SLC35F1: variants seen among roughly 807,000 people sequenced by gnomAD.
SLC35F1 encodes chromosome 6 open reading frame 169.
SLC35F1 carries 14 observed loss-of-function variants against 48.7 expected under a neutral mutation model. That is an observed-to-expected ratio of 0.29 (90% CI 0.19 to 0.45). The LOEUF is 0.45. Among genes scored for constraint, SLC35F1 ranks in the 20% least tolerant of loss-of-function variants. SLC35F1 has a pLI of 1.00. For missense variants in SLC35F1, 404 were observed against 500.0 expected (o/e 0.81, Z 1.83); for synonymous variants, 190 against 202.2 (o/e 0.94, Z 0.51).
At chr6:118,269,801 C>T (rs1177366420) in intron 4 of SLC35F1, among the ~76,000 whole-genome samples, 1 of 151,982 alleles carries the variant, frequency 6.6e-6, no homozygotes, top group African/African-American at 2.4e-5. Flanking sequence ...CTCAAGAGGC[C>T]AAGGCAGGAG....
intron 1 of SLC35F1, among the ~76,000 whole-genome samples, chr6:117,923,883 GATACAC>G (rs1775979826): frequency 7.5e-6 from 1 of 133,890 alleles, no homozygotes; most frequent in Admixed American, 7.9e-5. Flanking sequence ...TACATATGTA[GATACAC>G]ATATACACAT....
intron 1 of SLC35F1, among the ~76,000 whole-genome samples, chr6:118,135,386 A>T (rs1773778912): frequency 6.6e-6 from 1 of 152,226 alleles, no homozygotes. Flanking sequence ...TGGATTCTAT[A>T]TTATGTTTCT....
intron 7 of SLC35F1, among the ~76,000 whole-genome samples, chr6:118,298,607 T>C (rs914268402): frequency 1.7e-4 from 26 of 152,152 alleles, no homozygotes; most frequent in Non-Finnish European, 1.6e-4. Flanking sequence ...ACCACTTCAA[T>C]AAGTCCTCTC....
In SLC35F1 at chr6:118,175,588, A is replaced by G. The variant is rs149533072; in HGVS notation, c.349+20968A>G. Among the ~76,000 whole-genome samples, 495 of 152,292 alleles carry G rather than the reference A, an allele frequency of 3.3e-3. 2 individuals carry two copies. Among genetic ancestry groups the G allele is most frequent in the African/African-American group, 0.011 (459 of 41,560 alleles). On this transcript the variant is annotated intron_variant, in intron 2 of 7. Coordinates refer to ENST00000360388, the MANE Select transcript of SLC35F1 (RefSeq NM_001029858.4). ...CTACCAAAACTATCTGATGTTATGT[A>G]AGTCCACATGCCATTACTCAGATGT...
At chr6:118,166,761 T>G (rs1438594958) in intron 2 of SLC35F1, among the ~76,000 whole-genome samples, 1 of 152,166 alleles carries the variant, frequency 6.6e-6, no homozygotes, top group East Asian at 1.9e-4. Flanking sequence ...GGACCTCAGA[T>G]GTGTTGAGTA....
intron 3 of SLC35F1, among the ~76,000 whole-genome samples, chr6:118,236,728 C>A (rs1775370194): frequency 6.6e-6 from 1 of 152,172 alleles, no homozygotes; most frequent in Non-Finnish European, 1.5e-5. Flanking sequence ...TAGTCAGGTG[C>A]ATATTGAAGA....
chr6:118,138,165 C>T (rs1174856711), intron 1 of SLC35F1, among the ~76,000 whole-genome samples: 1 of 151,900 alleles, frequency 6.6e-6, no homozygotes, highest in Non-Finnish European at 1.5e-5. Context: ...AAAAATTAGC[C>T]AGGCATGGTA....
chr6:118,115,956 G>C (rs140988685), intron 1 of SLC35F1, among the ~76,000 whole-genome samples: 200 of 152,232 alleles, frequency 1.3e-3, no homozygotes, highest in African/African-American at 4.7e-3. Flanking sequence ...TTCAATATGT[G>C]TTTCTTTTTT....
At position 117,907,635 on chromosome 6, in the gene SLC35F1, G is replaced by T. The variant is rs549509606; in HGVS notation, c.-92G>T. 3 of 705,872 alleles carry T rather than the reference G, an allele frequency of 4.3e-6. No homozygotes were observed. The highest frequency in any genetic ancestry group is 6.2e-6 in the Non-Finnish European group (3 of 487,570). 43.7% of individuals were successfully genotyped at this position (705,872 alleles called of 1,614,324 possible). A position where few individuals can be genotyped will look rare whatever the true frequency, so the allele number is the denominator to read the frequency against. ...ACCGCCTCCCGGGCCGCGGCCGCCCGGCCGGGTCCTCTGCGCGTTCCCGGG... is the reference window on the plus strand; with the variant it reads ...ACCGCCTCCCGGGCCGCGGCCGCCCTGCCGGGTCCTCTGCGCGTTCCCGGG... On this transcript the variant is annotated 5_prime_UTR_variant, in exon 1 of 8. Transcript: ENST00000360388.
chr6:118,115,681 T>A (rs1399646986), intron 1 of SLC35F1, among the ~76,000 whole-genome samples: 3 of 152,172 alleles, frequency 2.0e-5, no homozygotes, highest in African/African-American at 7.2e-5. Context: ...ATTTTCTTCT[T>A]GCATTTTACC....
Position 118,206,064 on chromosome 6 carries a change from C to T in SLC35F1, c.350-29445C>T, listed in dbSNP as rs1467590686. On this transcript the variant is annotated intron_variant, in intron 2 of 7. Transcript: ENST00000360388. The stretch of plus-strand genomic sequence containing the variant: ...ACAGAGTTTTGGGTACAGATGGTGA[C>T]GGTGATTTCACAATATTGTAAATGT... Among the ~76,000 whole-genome samples the T allele has an allele frequency of 3.3e-5, 5 of 151,902 alleles. No homozygotes were observed. In the South Asian group the frequency reaches 8.3e-4, roughly 25 times the overall value.
intron 1 of SLC35F1, among the ~76,000 whole-genome samples, chr6:117,966,165 C>G (rs1776566133): frequency 6.9e-6 from 1 of 144,194 alleles, no homozygotes; most frequent in East Asian, 2.0e-4. Context: ...CCCCAAGCAG[C>G]AGCGGTACCC....
At chr6:117,945,069 C>T (rs868518711) in intron 1 of SLC35F1, among the ~76,000 whole-genome samples, 4 of 152,134 alleles carry the variant, frequency 2.6e-5, no homozygotes, top group Non-Finnish European at 4.4e-5. Context: ...TGGGGGAAGA[C>T]AGATGATAAT....
At chr6:118,227,547 G>A (rs1298759380) in intron 2 of SLC35F1, among the ~76,000 whole-genome samples, 2 of 152,118 alleles carry the variant, frequency 1.3e-5, no homozygotes, top group African/African-American at 2.4e-5. Context: ...TCAGCTTAAC[G>A]TAAAAAATAC....
intron 7 of SLC35F1, among the ~76,000 whole-genome samples, chr6:118,304,356 G>A (rs1290128520): frequency 7.8e-5 from 11 of 140,246 alleles, no homozygotes; most frequent in Non-Finnish European, 1.5e-4. Flanking sequence ...AACATAGTAA[G>A]ACTTCATCTC....
chr6:117,943,715 C>T (rs1776261227), intron 1 of SLC35F1, among the ~76,000 whole-genome samples: 2 of 152,116 alleles, frequency 1.3e-5, no homozygotes, highest in Admixed American at 1.3e-4. Context: ...AGATCCAAAC[C>T]AAATAAAAGT....
chr6:118,004,496 C>G (rs1777148333), intron 1 of SLC35F1, among the ~76,000 whole-genome samples: 1 of 152,136 alleles, frequency 6.6e-6, no homozygotes, highest in African/African-American at 2.4e-5. Flanking sequence ...AGATTCTGTC[C>G]TACCATCACC....
intron 1 of SLC35F1, among the ~76,000 whole-genome samples, chr6:118,090,084 C>T (rs935346935): frequency 7.2e-5 from 11 of 152,108 alleles, no homozygotes; most frequent in Non-Finnish European, 1.2e-4. Flanking sequence ...TCAAAGATGT[C>T]AAGATAATTA....
intron 3 of SLC35F1, among the ~76,000 whole-genome samples, chr6:118,266,363 T>A (rs969354687): frequency 6.6e-6 from 1 of 152,156 alleles, no homozygotes; most frequent in Non-Finnish European, 1.5e-5. Context: ...TCAACTTTCT[T>A]TAAAAAATTT....
Sources: allele counts gnomAD v4.1 joint callset (sites outside exome capture counted in the v4.1 genomes callset), GRCh38; gene constraint gnomAD v4.1.1; transcripts MANE v1.5; gene names NCBI Gene and HGNC (gene_info 2026-07-23, HGNC 2026-07-21).